The following MYOM3 variants were observed in gnomAD, a reference collection of about 807,000 sequenced individuals.
The protein encoded by MYOM3 is myomesin-3.
A neutral mutation model predicts 191.7 loss-of-function variants in MYOM3; 155 were observed. The ratio of observed to expected loss-of-function variants is 0.81; its 90% CI spans 0.71 to 0.92. MYOM3 has a LOEUF of 0.92. Ranked by LOEUF, MYOM3 falls within the 40% of genes least tolerant of loss-of-function variation. MYOM3 has a pLI of 0.00. For missense variants in MYOM3, 1,889 were observed against 1,890.6 expected (o/e 1.00, Z 0.02); for synonymous variants, 757 against 762.9 (o/e 0.99, Z 0.13).
chr1:24,093,585 G>A (rs1238543807), intron 9 of MYOM3, among the ~76,000 whole-genome samples: 1 of 151,970 alleles, frequency 6.6e-6, no homozygotes, highest in African/African-American at 2.4e-5. Context: ...AGGGAGTGAG[G>A]GCTCTCGGGA....
At chr1:24,110,498 T>C (rs1347420010) in intron 1 of MYOM3, among the ~76,000 whole-genome samples, 1 of 152,184 alleles carries the variant, frequency 6.6e-6, no homozygotes, top group Non-Finnish European at 1.5e-5. Context: ...GCCGTTGGCC[T>C]GGAAGGGGCA....
At chr1:24,089,408 A>G in intron 14 of MYOM3, 130 bp downstream of exon 14, 1 of 1,257,336 alleles carries the variant, frequency 8.0e-7, no homozygotes, top group Non-Finnish European at 1.1e-6. Context: ...GTGTAGGGCC[A>G]TGCCTGGGCC....
intron 21 of MYOM3, among the ~76,000 whole-genome samples, 194 bp from the exon 22 acceptor site, chr1:24,075,669 T>C (rs1319811749): frequency 2.0e-5 from 3 of 152,178 alleles, no homozygotes; most frequent in Admixed American, 6.5e-5. Context: ...GAGGCCCTCC[T>C]TGACTGCCCT....
intron 5 of MYOM3, among the ~76,000 whole-genome samples, chr1:24,103,946 T>C (rs759851357): frequency 6.6e-6 from 1 of 152,148 alleles, no homozygotes; most frequent in Non-Finnish European, 1.5e-5. Context: ...TCCATCTCTC[T>C]GATTCTTTAA....
intron 15 of MYOM3, 77 bp downstream of exon 15, chr1:24,086,567 G>C (rs531594243): frequency 3.4e-5 from 49 of 1,457,054 alleles, no homozygotes; most frequent in Non-Finnish European, 9.3e-6. Flanking sequence ...AAGTGGGCAG[G>C]GCTTTGTCCC....
In MYOM3 at chr1:24,089,609, C is replaced by A. The variant is rs1439056793; in HGVS notation, c.1543G>T (p.Ala515Ser). 1.3e-6 allele frequency: 2 copies of A among 1,595,556 alleles called. No homozygotes were observed. Among genetic ancestry groups the A allele is most frequent in the Admixed American group, 1.8e-5 (1 of 56,952 alleles). The change falls in exon 14 of 37, where the codon GCC becomes TCC. Residue 515 changes from alanine (A) to serine (S), a missense_variant. Physicochemically the swap from Ala to Ser is moderately conservative, Grantham distance 99 (BLOSUM62 1). Transcript: ENST00000374434. ...TNVHASEIRE[A>S]YVVLAWEEPS... Reference sequence around the variant, plus strand: ...TCCTCCCAGGCCAGAACCACATAGGCCTCTCGGATCTCGCTGGCATGGACA... The same window carrying A: ...TCCTCCCAGGCCAGAACCACATAGGACTCTCGGATCTCGCTGGCATGGACA...
intron 4 of MYOM3, 124 bp downstream of exon 4, chr1:24,106,949 C>T: frequency 1.1e-6 from 1 of 918,808 alleles, no homozygotes; most frequent in Non-Finnish European, 1.6e-6. Context: ...GTAGGGGCAT[C>T]AGATGCAGAC....
At chr1:24,065,791 C>T (rs1281352432) in intron 29 of MYOM3, 100 bp downstream of exon 29, 1 of 894,174 alleles carries the variant, frequency 1.1e-6, no homozygotes, top group African/African-American at 1.6e-5. Flanking sequence ...TTGCATCAAC[C>T]TAGCCTCGGC....
intron 25 of MYOM3, among the ~76,000 whole-genome samples, chr1:24,070,475 C>T (rs1044050396): frequency 1.3e-5 from 2 of 151,926 alleles, no homozygotes; most frequent in South Asian, 2.1e-4. Flanking sequence ...GTGGTCCCAA[C>T]TACTCGGGAG....
intron 5 of MYOM3, among the ~76,000 whole-genome samples, chr1:24,105,418 C>A (rs186725705): frequency 2.6e-5 from 4 of 152,356 alleles, no homozygotes; most frequent in African/African-American, 9.6e-5. Context: ...CTTCTCCCTG[C>A]CCCACCCACT....
chr1:24,080,094 A>G lies in MYOM3; in HGVS notation c.2508T>C (p.Tyr836=), dbSNP rs756260448. 1 of 1,614,150 alleles carries G rather than the reference A, an allele frequency of 6.2e-7. No individual in the cohort carries two copies. Among genetic ancestry groups the G allele is most frequent in the Non-Finnish European group, 8.5e-7 (1 of 1,180,022 alleles). Residue 836 remains tyrosine (Y), a synonymous_variant, in exon 20 of 37, where the codon TAT becomes TAC. Coordinates refer to ENST00000374434, the MANE Select transcript of MYOM3 (RefSeq NM_152372.4). ...AGCCTTCCTCCTGGAAACTGACGTG[A>G]TAGCCTGTGACAGGCCCAGCCCCCA... ...LYMGAGPVTG[Y]HVSFQEEGSE...
At chr1:24,096,756 G>A (rs1250133265) in intron 7 of MYOM3, among the ~76,000 whole-genome samples, 1 of 149,560 alleles carries the variant, frequency 6.7e-6, no homozygotes, top group African/African-American at 2.4e-5. Flanking sequence ...GTGTATGTGT[G>A]CACACGTGGG....
At chr1:24,075,006 G>C (rs1198897760) in intron 22 of MYOM3, among the ~76,000 whole-genome samples, 2 of 152,180 alleles carry the variant, frequency 1.3e-5, no homozygotes, top group Non-Finnish European at 2.9e-5. Context: ...GCTCTTGGGA[G>C]GTCAAGGCTG....
chr1:24,082,396 C>A, intron 17 of MYOM3, 197 bp downstream of exon 17: 1 of 909,370 alleles, frequency 1.1e-6, no homozygotes, highest in Non-Finnish European at 1.6e-6. Flanking sequence ...CAGAGCTGCT[C>A]AGGCCCCATC....
intron 23 of MYOM3, among the ~76,000 whole-genome samples, chr1:24,073,861 TA>T (rs55682709): frequency 2.9e-3 from 238 of 81,494 alleles, no homozygotes; most frequent in Middle Eastern, 9.1e-3. Context: ...AGACTCCGTC[TA>T]AAAAAAAAAA....
intron 24 of MYOM3, 35 bp downstream of exon 24, chr1:24,071,934 C>T (rs1318963999): frequency 6.2e-7 from 1 of 1,611,614 alleles, no homozygotes; most frequent in Non-Finnish European, 8.5e-7. Flanking sequence ...CCAGTGGGAA[C>T]TGCACAAGGC....
chr1:24,076,261 G>C lies in MYOM3; in HGVS notation c.2599C>G (p.Gln867Glu), dbSNP rs1401522538. The stretch of plus-strand genomic sequence containing the variant: ...TGGAACACGTAACTCTTTCCTGGCT[G>C]CAAGTCGGAAACCTGGGGGCAGAGG... ...SGTHLRVSDLQPGKSYVFQVQ... is the reference protein window; with the variant it reads ...SGTHLRVSDLEPGKSYVFQVQ... The change falls in exon 21 of 37, where the codon CAG (glutamine) becomes GAG (glutamate). Residue 867 changes from glutamine to glutamate, a missense_variant. Gln to Glu is a conservative substitution (Grantham distance 29). Coordinates refer to ENST00000374434, the MANE Select transcript of MYOM3 (RefSeq NM_152372.4). 3 of 1,614,002 alleles carry C rather than the reference G, an allele frequency of 1.9e-6. No homozygotes were observed. In the Admixed American group the frequency reaches 5.0e-5, roughly 27 times the overall value.
At chr1:24,109,774 C>T (rs192676862) in intron 1 of MYOM3, among the ~76,000 whole-genome samples, 5 of 152,380 alleles carry the variant, frequency 3.3e-5, no homozygotes, top group African/African-American at 9.6e-5. Context: ...CCATGACTGG[C>T]AGCCAATCCC....
chr1:24,078,849 T>G (rs4308923), intron 20 of MYOM3, among the ~76,000 whole-genome samples: 1 of 151,904 alleles, frequency 6.6e-6, no homozygotes, highest in African/African-American at 2.4e-5. Flanking sequence ...TTCAAGTGAC[T>G]TCTTTGTTTC....
Sources: gnomAD v4.1 joint callset for allele counts (sites outside exome capture counted in the v4.1 genomes callset) on GRCh38, gnomAD v4.1.1 for gene constraint, MANE v1.5 for transcripts, NCBI Gene and HGNC (gene_info 2026-07-23, HGNC 2026-07-21) for gene names.